Variants in COL23A1 observed in about 807,000 individuals in gnomAD.
COL23A1 encodes collagen alpha-1(XXIII) chain.
A neutral mutation model predicts 99.3 loss-of-function variants in COL23A1; 97 were observed. That is an observed-to-expected ratio of 0.98 (90% CI 0.83 to 1.16). COL23A1 has a LOEUF of 1.16. Among genes scored for constraint, COL23A1 ranks in the 50% most tolerant of loss-of-function variants. The pLI, the probability that COL23A1 is intolerant of heterozygous loss-of-function variation, is 0.00. For synonymous variants in COL23A1, 320 were observed against 308.2 expected (o/e 1.04, Z -0.40); for missense variants, 762 against 757.4 (o/e 1.01, Z -0.07).
chr5:178,479,029 G>A (rs1757181980), intron 2 of COL23A1, among the ~76,000 whole-genome samples: 1 of 152,072 alleles, frequency 6.6e-6, no homozygotes, highest in Non-Finnish European at 1.5e-5. Flanking sequence ...GTGAGGCCCA[G>A]GGAGACAGCC....
intron 2 of COL23A1, among the ~76,000 whole-genome samples, chr5:178,361,738 CT>C (rs1377338000): frequency 6.6e-6 from 1 of 152,220 alleles, no homozygotes; most frequent in Non-Finnish European, 1.5e-5. Flanking sequence ...CCTGTGACCC[CT>C]TGGGAACCGC....
At position 178,309,735 on chromosome 5, in the gene COL23A1, C is replaced by G. The variant is rs537577599; in HGVS notation, c.362-2816G>C. On this transcript the variant is annotated intron_variant, in intron 2 of 28. Coordinates refer to ENST00000390654, the MANE Select transcript of COL23A1 (RefSeq NM_173465.4). This position sits in a 1 kb window ranked among gnomAD's most constrained non-coding sequence, Gnocchi z 4.7. ...CCGGGCATCATCCTGCCCCAGCCCCCAACCTGGACCCCTTCCTTCTCAGCA... is the reference window on the plus strand; with the variant it reads ...CCGGGCATCATCCTGCCCCAGCCCCGAACCTGGACCCCTTCCTTCTCAGCA... Among the ~76,000 whole-genome samples the G allele has an allele frequency of 6.9e-3, 1,041 of 151,772 alleles. 6 individuals are homozygous for G. The highest frequency in any genetic ancestry group is 0.013 in the Admixed American group (192 of 15,268).
At chr5:178,312,715 A>G (rs1319826081) in intron 2 of COL23A1, among the ~76,000 whole-genome samples, 2 of 151,870 alleles carry the variant, frequency 1.3e-5, no homozygotes, top group Admixed American at 6.6e-5. Flanking sequence ...CTCTCACCCT[A>G]CTGGCCTGGC....
chr5:178,552,101 TC>T (rs1762030046), intron 2 of COL23A1, among the ~76,000 whole-genome samples: 4 of 152,122 alleles, frequency 2.6e-5, no homozygotes, highest in Admixed American at 2.6e-4. Flanking sequence ...CCAACCCAGA[TC>T]CTCCTGACCC....
At chr5:178,493,790 G>C (rs771204126) in intron 2 of COL23A1, among the ~76,000 whole-genome samples, 1 of 152,250 alleles carries the variant, frequency 6.6e-6, no homozygotes, top group Non-Finnish European at 1.5e-5. Flanking sequence ...ACCCCTCGGG[G>C]ACCATCTTCC....
At chr5:178,321,480 CTTTTTTTTT>C (rs570803192) in intron 2 of COL23A1, among the ~76,000 whole-genome samples, 6 of 109,040 alleles carry the variant, frequency 5.5e-5, no homozygotes, top group African/African-American at 2.0e-4. Context: ...GTCACCTTCC[CTTTTTTTTT>C]TTTTTTTTTT....
At chr5:178,567,949 G>A (rs1347526950) in intron 1 of COL23A1, among the ~76,000 whole-genome samples, 1 of 152,150 alleles carries the variant, frequency 6.6e-6, no homozygotes, top group Non-Finnish European at 1.5e-5. Context: ...CCTTGATATG[G>A]GCTAGACTTA....
chr5:178,587,003 T>C (rs1764038102), intron 1 of COL23A1, among the ~76,000 whole-genome samples: 1 of 152,214 alleles, frequency 6.6e-6, no homozygotes, highest in Non-Finnish European at 1.5e-5. Flanking sequence ...AATAAATCCA[T>C]TGTAAGCTGG....
intron 2 of COL23A1, among the ~76,000 whole-genome samples, chr5:178,461,982 G>C (rs1756148948): frequency 6.6e-6 from 1 of 152,232 alleles, no homozygotes; most frequent in Non-Finnish European, 1.5e-5. Context: ...TCCTGCCCAG[G>C]CAATCAGACG....
chr5:178,410,440 T>C (rs57995222), intron 2 of COL23A1, among the ~76,000 whole-genome samples: 2,742 of 152,256 alleles, frequency 0.018, 80 homozygotes, highest in African/African-American at 0.062. Flanking sequence ...AAGAACAAAG[T>C]TGGAAGACTC....
chr5:178,425,873 C>A (rs1007931870), intron 2 of COL23A1, among the ~76,000 whole-genome samples: 2 of 152,252 alleles, frequency 1.3e-5, no homozygotes, highest in African/African-American at 4.8e-5. Context: ...GCAGAGGCAT[C>A]TTCTGCTACT....
At chr5:178,371,001 C>G (rs1428168257) in intron 2 of COL23A1, among the ~76,000 whole-genome samples, 1 of 152,088 alleles carries the variant, frequency 6.6e-6, no homozygotes, top group Admixed American at 6.5e-5. Context: ...GTTTTGTATT[C>G]TTGAAAATTG....
intron 2 of COL23A1, among the ~76,000 whole-genome samples, chr5:178,411,016 C>T (rs984777935): frequency 6.6e-6 from 1 of 152,116 alleles, no homozygotes; most frequent in African/African-American, 2.4e-5. Context: ...AGAAGATACA[C>T]AAACAGCCAA....
intron 2 of COL23A1, among the ~76,000 whole-genome samples, chr5:178,507,093 CT>C (rs1225442506): frequency 2.0e-5 from 3 of 152,192 alleles, no homozygotes; most frequent in African/African-American, 7.2e-5. Context: ...CCATTGTCTC[CT>C]TTTCAAAATA....
At chr5:178,361,468 C>G (rs1762171070) in intron 2 of COL23A1, among the ~76,000 whole-genome samples, 1 of 152,102 alleles carries the variant, frequency 6.6e-6, no homozygotes, top group Non-Finnish European at 1.5e-5. Flanking sequence ...AGCTGATGCT[C>G]TTAGAGTCTC....
chr5:178,294,294 TCCCAAATCACTACCCAGCTCCCTC>T (rs1561834737), intron 3 of COL23A1, among the ~76,000 whole-genome samples: 27 of 41,572 alleles, frequency 6.5e-4, no homozygotes, highest in African/African-American at 1.3e-3. Flanking sequence ...CCGAGCTCCC[TCCCAAATCACTACCCAGCTCCCTC>T]CCCAAATCAC....
intron 24 of COL23A1, 115 bp downstream of exon 24, chr5:178,246,139 T>C (rs1764680262): frequency 1.5e-6 from 2 of 1,344,750 alleles, no homozygotes; most frequent in African/African-American, 1.4e-5. Flanking sequence ...GAGCCTGAAC[T>C]CTGGCCCTGC....
At chr5:178,312,412 G>C (rs1448379881) in intron 2 of COL23A1, among the ~76,000 whole-genome samples, 1 of 152,162 alleles carries the variant, frequency 6.6e-6, no homozygotes, top group Non-Finnish European at 1.5e-5. Context: ...AGCACTGTTG[G>C]AGGCCAGACA....
chr5:178,349,465 G>T (rs1297142825), intron 2 of COL23A1, among the ~76,000 whole-genome samples: 2 of 150,372 alleles, frequency 1.3e-5, no homozygotes, highest in Non-Finnish European at 3.0e-5. Flanking sequence ...AGACAAAAGT[G>T]GCTGGTCCCC....
Sources: gnomAD v4.1 joint callset for allele counts (sites outside exome capture counted in the v4.1 genomes callset) on GRCh38, gnomAD v4.1.1 for gene constraint, Gnocchi (gnomAD v3.1) non-coding constraint, MANE v1.5 for transcripts, NCBI Gene and HGNC (gene_info 2026-07-23, HGNC 2026-07-21) for gene names.